The following MITF variants were observed in gnomAD, a reference collection of about 807,000 sequenced individuals.
The protein encoded by MITF is microphthalmia-associated transcription factor.
Under a neutral mutation model 60.5 loss-of-function variants are expected in MITF, and 17 were observed. The observed-to-expected ratio is 0.28, with a 90% CI of 0.19 to 0.42. The LOEUF is 0.42. Among genes scored for constraint, MITF ranks in the 10% least tolerant of loss-of-function variants. The pLI is 1.00. For missense variants in MITF, 622 were observed against 683.5 expected, an observed-to-expected ratio of 0.91 and a Z score of 1.00; for synonymous variants, 260 against 248.5, an observed-to-expected ratio of 1.05 and a Z score of -0.43.
chr3:69,847,909 C>A (rs1226795828), intron 1 of MITF, among the ~76,000 whole-genome samples: 1 of 152,226 alleles, frequency 6.6e-6, no homozygotes, highest in Non-Finnish European at 1.5e-5. Flanking sequence ...GTTCCCAATC[C>A]CACATGCTTC....
intron 9 of MITF, among the ~76,000 whole-genome samples, chr3:69,960,603 C>T (rs2066517407): frequency 6.6e-6 from 1 of 152,120 alleles, no homozygotes; most frequent in Admixed American, 6.5e-5. Flanking sequence ...GAGTCAGTGA[C>T]ACCATATCTT....
Position 69,875,884 on chromosome 3 carries a change from G to A in MITF, c.105-3250G>A, listed in dbSNP as rs976633274. 3.9e-5 allele frequency among the ~76,000 whole-genome samples: 6 copies of A among 152,300 alleles called. No homozygotes were observed. In the South Asian group the frequency reaches 1.2e-3, roughly 32 times the overall value. ...TCACAATGTGGAAATATCCCGCAGG[G>A]AGTGTGTGCCATGAGGCGACTCTAA... On this transcript the variant is annotated intron_variant, in intron 1 of 9. Coordinates refer to ENST00000352241, the MANE Select transcript of MITF (RefSeq NM_001354604.2).
intron 1 of MITF, among the ~76,000 whole-genome samples, chr3:69,763,172 A>G (rs143343594): frequency 2.0e-5 from 3 of 152,240 alleles, no homozygotes; most frequent in East Asian, 3.9e-4. Context: ...TTCCAATATG[A>G]TATCTTATGA....
chr3:69,756,496 G>C (rs1264369339), intron 1 of MITF, among the ~76,000 whole-genome samples: 1 of 152,068 alleles, frequency 6.6e-6, no homozygotes, highest in Non-Finnish European at 1.5e-5. Flanking sequence ...TGTATTCCAT[G>C]GTGTATATGT....
chr3:69,913,291 G>A (rs2065262883), intron 2 of MITF, among the ~76,000 whole-genome samples: 1 of 151,900 alleles, frequency 6.6e-6, no homozygotes, highest in African/African-American at 2.4e-5. Context: ...TTATTCTTTT[G>A]GGATTTTTTG....
chr3:69,760,675 C>A (rs2062199069), intron 1 of MITF, among the ~76,000 whole-genome samples: 1 of 152,064 alleles, frequency 6.6e-6, no homozygotes, highest in East Asian at 1.9e-4. Flanking sequence ...GCCTTTGGTG[C>A]CATTTGCTAG....
At chr3:69,818,869 A>G (rs1363063976) in intron 1 of MITF, among the ~76,000 whole-genome samples, 1 of 152,214 alleles carries the variant, frequency 6.6e-6, no homozygotes, top group East Asian at 1.9e-4. Flanking sequence ...CTAGAGTCCC[A>G]TGGGCATTAA....
Position 69,964,988 on chromosome 3 carries a change from G to A in MITF, c.1321G>A (p.Asp441Asn), listed in dbSNP as rs2066649638. 6.2e-7 allele frequency: 1 copy of A among 1,614,108 alleles called. No individual in the cohort carries two copies. Among genetic ancestry groups the A allele is most frequent in the Admixed American group, 1.7e-5 (1 of 60,018 alleles). The change falls in exon 10 of 10, where the codon GAC (aspartate) becomes AAC (asparagine). Residue 441 changes from aspartate (D) to asparagine (N), a missense_variant. Coordinates refer to ENST00000352241, the MANE Select transcript of MITF (RefSeq NM_001354604.2). ...CCAAGACCTCCTTCAGCATCATGCA[G>A]ACCTAACCTGTACAACAACTCTCGA... The part of the protein sequence containing the change: ...CSQDLLQHHA[D>N]LTCTTTLDLT...
chr3:69,853,112 C>T (rs1014237038), intron 1 of MITF, among the ~76,000 whole-genome samples: 4 of 151,932 alleles, frequency 2.6e-5, no homozygotes, highest in Non-Finnish European at 2.9e-5. Flanking sequence ...ACAGCAAAAT[C>T]GTGCTTTAGG....
intron 2 of MITF, among the ~76,000 whole-genome samples, chr3:69,915,226 A>T (rs1302838006): frequency 6.6e-6 from 1 of 152,232 alleles, no homozygotes; most frequent in African/African-American, 2.4e-5. Flanking sequence ...TGATTGTAAG[A>T]TACAGCCTAG....
At chr3:69,849,215 C>T (rs1188302090) in intron 1 of MITF, among the ~76,000 whole-genome samples, 4 of 151,980 alleles carry the variant, frequency 2.6e-5, no homozygotes, top group African/African-American at 9.7e-5. Context: ...CCGCCCGCCT[C>T]GGCCTCCCAA....
At chr3:69,941,387 C>CT in intron 5 of MITF, 56 bp downstream of exon 5, 1 of 1,134,114 alleles carries the variant, frequency 8.8e-7, no homozygotes, top group South Asian at 1.3e-5. Context: ...GGGTTCTTTT[C>CT]TTTTTTCTTA....
At chr3:69,904,688 T>C (rs1356052756) in intron 2 of MITF, among the ~76,000 whole-genome samples, 1 of 152,174 alleles carries the variant, frequency 6.6e-6, no homozygotes, top group African/African-American at 2.4e-5. Flanking sequence ...ATAAGTAATG[T>C]GTAGGACCAC....
At chr3:69,818,804 A>G (rs1434599277) in intron 1 of MITF, among the ~76,000 whole-genome samples, 2 of 152,114 alleles carry the variant, frequency 1.3e-5, no homozygotes, top group East Asian at 3.8e-4. Context: ...ATTTATGGTC[A>G]AAGATATATT....
intron 1 of MITF, among the ~76,000 whole-genome samples, chr3:69,830,004 G>A (rs2063419552): frequency 6.6e-6 from 1 of 152,068 alleles, no homozygotes; most frequent in South Asian, 2.1e-4. Context: ...CCATCTGTGT[G>A]TTTCTTTGGT....
chr3:69,754,126 T>G (rs927358437), intron 1 of MITF, among the ~76,000 whole-genome samples: 4 of 152,168 alleles, frequency 2.6e-5, no homozygotes, highest in South Asian at 2.1e-4. Flanking sequence ...AAGTGGTTTC[T>G]CATGAATGGT....
At chr3:69,826,366 C>A (rs554449218) in intron 1 of MITF, among the ~76,000 whole-genome samples, 1 of 152,168 alleles carries the variant, frequency 6.6e-6, no homozygotes, top group Non-Finnish European at 1.5e-5. Flanking sequence ...GAAATTGATT[C>A]TTCCTCATTG....
Position 69,760,374 on chromosome 3 carries a change from C to T in MITF, c.104+20673C>T, listed in dbSNP as rs150998572. Among the ~76,000 whole-genome samples, 400 of 152,280 alleles carry T rather than the reference C, an allele frequency of 2.6e-3. 3 individuals carry two copies. Among genetic ancestry groups the T allele is most frequent in the Non-Finnish European group, 4.6e-3 (313 of 68,018 alleles). On this transcript the variant is annotated intron_variant, in intron 1 of 9. Coordinates refer to ENST00000352241, the MANE Select transcript of MITF (RefSeq NM_001354604.2). ...CATTGCTCAGGAAAGAGTTCAAGAA[C>T]GAGCTGGTGGTGGAAGAATGCAGGT... is the stretch of plus-strand genomic sequence containing the variant.
intron 2 of MITF, among the ~76,000 whole-genome samples, chr3:69,894,266 CAG>C (rs1202257628): frequency 6.6e-6 from 1 of 152,226 alleles, no homozygotes; most frequent in Non-Finnish European, 1.5e-5. Flanking sequence ...GATCTGTGTT[CAG>C]AGTGTTTTCA....
Sources: allele counts gnomAD v4.1 joint callset (sites outside exome capture counted in the v4.1 genomes callset), GRCh38; gene constraint gnomAD v4.1.1; transcripts MANE v1.5; gene names NCBI Gene and HGNC (gene_info 2026-07-23, HGNC 2026-07-21).